Variants in SPOCK3 observed in about 807,000 individuals in gnomAD.
SPOCK3 encodes testican-3.
In SPOCK3, 30 loss-of-function variants were observed where a neutral mutation model predicts 56.6. That is an observed-to-expected ratio of 0.53 (90% CI 0.40 to 0.72). The LOEUF is 0.72. SPOCK3 is among the 30% of genes least tolerant of loss of function. The pLI, the probability that SPOCK3 is intolerant of heterozygous loss-of-function variation, is 0.00. For synonymous variants in SPOCK3, 196 were observed against 183.3 expected, an observed-to-expected ratio of 1.07 and a Z score of -0.56; for missense variants, 527 against 530.0, an observed-to-expected ratio of 0.99 and a Z score of 0.06.
chr4:166,864,923 A>G (rs1012933258), intron 6 of SPOCK3, among the ~76,000 whole-genome samples: 1 of 152,190 alleles, frequency 6.6e-6, no homozygotes, highest in Non-Finnish European at 1.5e-5. Context: ...GCCCTCCCTA[A>G]CTTATTTTAT....
At position 166,987,335 on chromosome 4, in the gene SPOCK3, A is replaced by G. The variant is rs1264114582; in HGVS notation, c.350+13014T>C. Reference sequence around the variant, plus strand: ...TCTTTTCACTCAAGTAATTCTTCAAACATTATCTATAATGAGAAAGTTTCC... The same window carrying G: ...TCTTTTCACTCAAGTAATTCTTCAAGCATTATCTATAATGAGAAAGTTTCC... On this transcript the variant is annotated intron_variant, in intron 4 of 10. Transcript: ENST00000357545. Among the ~76,000 whole-genome samples the G allele has an allele frequency of 9.2e-5, 14 of 152,122 alleles. No homozygotes were observed. In the East Asian group the frequency reaches 2.5e-3, roughly 27 times the overall value.
At chr4:166,787,613 C>G (rs992122971) in intron 7 of SPOCK3, among the ~76,000 whole-genome samples, 2 of 152,052 alleles carry the variant, frequency 1.3e-5, no homozygotes, top group African/African-American at 4.8e-5. Flanking sequence ...TGCAGGCCTA[C>G]TGTGACGTTT....
At chr4:167,011,746 G>T (rs920314163) in intron 3 of SPOCK3, among the ~76,000 whole-genome samples, 7 of 151,922 alleles carry the variant, frequency 4.6e-5, no homozygotes, top group African/African-American at 1.2e-4. Flanking sequence ...ATACATAAAA[G>T]ACCTATTGCT....
At chr4:166,967,738 G>C (rs1318614829) in intron 4 of SPOCK3, among the ~76,000 whole-genome samples, 3 of 152,106 alleles carry the variant, frequency 2.0e-5, no homozygotes, top group African/African-American at 7.2e-5. Flanking sequence ...TTGGCAAAAG[G>C]CATCTGGCAG....
intron 4 of SPOCK3, among the ~76,000 whole-genome samples, chr4:166,931,901 T>TA (rs1739830979): frequency 6.6e-6 from 1 of 152,208 alleles, no homozygotes; most frequent in African/African-American, 2.4e-5. Flanking sequence ...CCTTCCCTAT[T>TA]ACTCTTGGTA....
intron 6 of SPOCK3, among the ~76,000 whole-genome samples, chr4:166,872,055 TAC>T (rs375568982): frequency 0.6 from 89,721 of 148,944 alleles, 27,287 homozygotes; most frequent in South Asian, 0.75. Context: ...CACACAAACA[TAC>T]ACACACACAC....
At chr4:167,144,158 TG>T (rs1374121465) in intron 2 of SPOCK3, among the ~76,000 whole-genome samples, 1 of 151,994 alleles carries the variant, frequency 6.6e-6, no homozygotes, top group Non-Finnish European at 1.5e-5. Flanking sequence ...CCTCTTCTCT[TG>T]GTGATATCTA....
chr4:167,153,566 G>A (rs888763582), intron 2 of SPOCK3, among the ~76,000 whole-genome samples: 2 of 152,102 alleles, frequency 1.3e-5, no homozygotes, highest in African/African-American at 4.8e-5. Context: ...TACAGTATTG[G>A]ATAATGCAAA....
At chr4:166,751,006 T>A (rs1736307476) in intron 8 of SPOCK3, among the ~76,000 whole-genome samples, 1 of 148,616 alleles carries the variant, frequency 6.7e-6, no homozygotes, top group African/African-American at 2.5e-5. Flanking sequence ...TGAATTGCAC[T>A]ATCAATGGTG....
At chr4:166,842,065 T>C (rs942694974) in intron 6 of SPOCK3, among the ~76,000 whole-genome samples, 10 of 152,162 alleles carry the variant, frequency 6.6e-5, no homozygotes, top group Admixed American at 1.3e-4. Flanking sequence ...TCGGGAATTG[T>C]TCATTCCTCC....
intron 4 of SPOCK3, among the ~76,000 whole-genome samples, chr4:166,983,302 A>T (rs1180510189): frequency 6.6e-6 from 1 of 152,034 alleles, no homozygotes; most frequent in Non-Finnish European, 1.5e-5. Context: ...CAATTATTTT[A>T]TATTTATATT....
At chr4:167,221,469 G>T (rs1032295254) in intron 2 of SPOCK3, among the ~76,000 whole-genome samples, 1 of 152,050 alleles carries the variant, frequency 6.6e-6, no homozygotes, top group South Asian at 2.1e-4. Context: ...AAAAAACATG[G>T]TCTTTAGAGT....
chr4:167,129,320 T>A (rs1434370246), intron 2 of SPOCK3, among the ~76,000 whole-genome samples: 2 of 152,206 alleles, frequency 1.3e-5, no homozygotes, highest in African/African-American at 4.8e-5. Flanking sequence ...GATACCTGGC[T>A]TAAGTGCCAA....
intron 6 of SPOCK3, among the ~76,000 whole-genome samples, chr4:166,880,249 C>CT (rs1461804169): frequency 5.3e-5 from 8 of 152,166 alleles, no homozygotes; most frequent in Admixed American, 1.3e-4. Context: ...TGTCATATTA[C>CT]TGAACATTCC....
intron 6 of SPOCK3, among the ~76,000 whole-genome samples, chr4:166,867,241 CAATAAT>C (rs1164338385): frequency 1.3e-5 from 2 of 151,778 alleles, no homozygotes. Flanking sequence ...ATGAATATCA[CAATAAT>C]AATAACTATA....
intron 4 of SPOCK3, among the ~76,000 whole-genome samples, chr4:166,942,725 C>T (rs1336951133): frequency 6.6e-6 from 1 of 152,048 alleles, no homozygotes; most frequent in Non-Finnish European, 1.5e-5. Context: ...TGGCATAACA[C>T]TTAGAAAGTA....
chr4:167,113,191 C>G (rs978615148), intron 2 of SPOCK3, among the ~76,000 whole-genome samples: 4 of 152,066 alleles, frequency 2.6e-5, no homozygotes, highest in Non-Finnish European at 5.9e-5. Flanking sequence ...CACTTTAGTC[C>G]AAACCACTGC....
At chr4:167,019,082 C>A (rs993364760) in intron 3 of SPOCK3, among the ~76,000 whole-genome samples, 3 of 152,010 alleles carry the variant, frequency 2.0e-5, no homozygotes, top group Non-Finnish European at 4.4e-5. Flanking sequence ...ACCACCAACT[C>A]ATTATAAGTG....
chr4:167,203,571 A>G (rs1733729105), intron 2 of SPOCK3, among the ~76,000 whole-genome samples: 1 of 150,042 alleles, frequency 6.7e-6, no homozygotes, highest in Non-Finnish European at 1.5e-5. Flanking sequence ...AAAAAAAAAG[A>G]CAGAAAAGAA....
Sources: gnomAD v4.1 joint callset for allele counts (sites outside exome capture counted in the v4.1 genomes callset) on GRCh38, gnomAD v4.1.1 for gene constraint, MANE v1.5 for transcripts, NCBI Gene and HGNC (gene_info 2026-07-23, HGNC 2026-07-21) for gene names.